The following COL4A2 variants were observed in gnomAD, a reference collection of about 807,000 sequenced individuals.
COL4A2 encodes the protein collagen type IV alpha 2 chain.
In COL4A2, 99 loss-of-function variants were observed where a neutral mutation model predicts 200.2. That is an observed-to-expected ratio of 0.49 (90% CI 0.42 to 0.58). COL4A2 has a LOEUF of 0.58. COL4A2 is among the 20% of genes least tolerant of loss of function. The pLI, the probability that COL4A2 is intolerant of heterozygous loss-of-function variation, is 0.00. For missense variants in COL4A2, 1,950 were observed against 2,314.1 expected, an observed-to-expected ratio of 0.84 and a Z score of 3.23; for synonymous variants, 897 against 900.6, an observed-to-expected ratio of 1.00 and a Z score of 0.07.
At chr13:110,379,148 T>G (rs1186867585) in intron 4 of COL4A2, among the ~76,000 whole-genome samples, 1 of 152,212 alleles carries the variant, frequency 6.6e-6, no homozygotes, top group African/African-American at 2.4e-5. Context: ...AGACAAAATC[T>G]GAAGGCACTT....
chr13:110,416,003 C>T (rs1315111729), intron 4 of COL4A2, among the ~76,000 whole-genome samples: 1 of 152,242 alleles, frequency 6.6e-6, no homozygotes, highest in East Asian at 1.9e-4. Flanking sequence ...TAGTAACCTG[C>T]GCCTGTGAGT....
chr13:110,374,054 C>T (rs1878131077), intron 4 of COL4A2, among the ~76,000 whole-genome samples: 1 of 152,140 alleles, frequency 6.6e-6, no homozygotes, highest in Non-Finnish European at 1.5e-5. Context: ...TCATCATAAT[C>T]GTGTCACGTC....
At chr13:110,458,653 G>A in intron 21 of COL4A2, 118 bp from the exon 22 acceptor site, 1 of 1,222,836 alleles carries the variant, frequency 8.2e-7, no homozygotes, top group Non-Finnish European at 1.2e-6. Flanking sequence ...CATCAGAACA[G>A]GCAGTGTCCA....
At chr13:110,358,863 A>C (rs1877396877) in intron 4 of COL4A2, among the ~76,000 whole-genome samples, 1 of 152,240 alleles carries the variant, frequency 6.6e-6, no homozygotes, top group Admixed American at 6.5e-5. Context: ...CCACTTTCCT[A>C]CAAAATTGAG....
chr13:110,495,802 G>A (rs571584194), intron 40 of COL4A2, among the ~76,000 whole-genome samples: 38 of 152,312 alleles, frequency 2.5e-4, no homozygotes, highest in Middle Eastern at 3.4e-3. Context: ...GTGAATGTGC[G>A]AATAAATGCA....
intron 4 of COL4A2, among the ~76,000 whole-genome samples, chr13:110,408,802 CACATATATAT>C (rs1484666919): frequency 5.4e-5 from 2 of 37,006 alleles, no homozygotes; most frequent in Admixed American, 2.8e-4. Context: ...CACACACGCA[CACATATATAT>C]ACACACACAC....
Position 110,307,667 on chromosome 13 carries a change from G to A in COL4A2, c.-45+139G>A. The A allele has an allele frequency of 1.7e-6, 1 of 576,602 alleles. No homozygotes were observed. Among genetic ancestry groups the A allele is most frequent in the South Asian group, 2.3e-5 (1 of 42,620 alleles). 35.7% of individuals were successfully genotyped at this position (576,602 alleles called of 1,614,324 possible). A position where few individuals can be genotyped will look rare whatever the true frequency, so the allele number is the denominator to read the frequency against. On this transcript the variant is annotated intron_variant, in intron 1 of 47. Coordinates refer to ENST00000360467, the MANE Select transcript of COL4A2 (RefSeq NM_001846.4). The surrounding 1 kb of genome is among the most constrained non-coding windows in gnomAD (Gnocchi z 5.0). The stretch of plus-strand genomic sequence containing the variant: ...TGGGAGAGCGAAGACCGAGCTCCTC[G>A]GCCAAGGAGCACCCACAGGGGCCTA...
intron 3 of COL4A2, among the ~76,000 whole-genome samples, chr13:110,343,133 CTG>C (rs1183093024): frequency 6.6e-6 from 1 of 152,152 alleles, no homozygotes; most frequent in East Asian, 1.9e-4. Flanking sequence ...ACTGCAGTGA[CTG>C]TGTGTGTGGT....
At chr13:110,462,433 C>G in intron 24 of COL4A2, 49 bp downstream of exon 24, 1 of 1,589,914 alleles carries the variant, frequency 6.3e-7, no homozygotes, top group Non-Finnish European at 8.6e-7. Flanking sequence ...CTTCATCCTT[C>G]AGGTTCTCCA....
intron 4 of COL4A2, among the ~76,000 whole-genome samples, chr13:110,379,299 C>T (rs908742301): frequency 1.3e-5 from 2 of 152,148 alleles, no homozygotes; most frequent in African/African-American, 4.8e-5. Context: ...GGTGGGAGAC[C>T]CTGGGCTAGA....
chr13:110,363,199 G>A (rs771737061), intron 4 of COL4A2, among the ~76,000 whole-genome samples: 3 of 152,200 alleles, frequency 2.0e-5, no homozygotes, highest in Non-Finnish European at 4.4e-5. Context: ...GCATCCAGGC[G>A]GTACCCACAG....
rs1207098850 is a variant in COL4A2, at chr13:110,472,934, A to G, written c.2209A>G (p.Ile737Val). 8 of 1,555,302 alleles carry G rather than the reference A, an allele frequency of 5.1e-6. No individual in the cohort carries two copies. The highest frequency in any genetic ancestry group is 7.0e-6 in the Non-Finnish European group (8 of 1,149,092). ...CCACCCATGTTTCCTTTTAGGGTTC[A>G]TAGGACCCCGAGGATCCAAAGGTGC... ...REGFPGPPGFIGPRGSKGAVG... is the reference protein window; with the variant it reads ...REGFPGPPGFVGPRGSKGAVG... The change falls in exon 29 of 48, where the codon ATA (isoleucine) becomes GTA (valine). Residue 737 changes from isoleucine (I) to valine (V), a missense_variant. Physicochemically the swap from Ile to Val is conservative, Grantham distance 29. This residue lies in a region of COL4A2 where 1,385 missense variants were observed against 1,720.5 expected (regional missense o/e 0.80). Coordinates refer to ENST00000360467, the MANE Select transcript of COL4A2 (RefSeq NM_001846.4).
intron 40 of COL4A2, among the ~76,000 whole-genome samples, chr13:110,500,711 C>G (rs528898689): frequency 2.3e-4 from 35 of 152,314 alleles, no homozygotes; most frequent in African/African-American, 8.4e-4. Flanking sequence ...AGCCTCTGCT[C>G]ACAAGATGTT....
rs151273825 is a variant in COL4A2 at position 110,331,062 on chromosome 13, C to CTT, written c.99+22947_99+22948dup. On this transcript the variant is annotated intron_variant, in intron 3 of 47. Coordinates refer to ENST00000360467, the MANE Select transcript of COL4A2 (RefSeq NM_001846.4). ...GTAATATTTTTTTCTTTCCATGCAG[C>CTT]TTTTTTTTTAAAGGAAATTTACTGA... Among the ~76,000 whole-genome samples, 138 of 151,120 alleles carry CTT rather than the reference C, an allele frequency of 9.1e-4. 1 individual carries two copies. The highest frequency in any genetic ancestry group is 9.0e-3 in the East Asian group (46 of 5,120).
intron 4 of COL4A2, among the ~76,000 whole-genome samples, chr13:110,385,121 G>T (rs1300370122): frequency 6.6e-6 from 1 of 152,178 alleles, no homozygotes; most frequent in Non-Finnish European, 1.5e-5. Context: ...AATTAGCCAG[G>T]CGCAGTGGCG....
chr13:110,365,707 T>C (rs997195069), intron 4 of COL4A2, among the ~76,000 whole-genome samples: 1 of 152,232 alleles, frequency 6.6e-6, no homozygotes, highest in Non-Finnish European at 1.5e-5. Flanking sequence ...CAGCCCCTGC[T>C]GCTGGGGCAT....
chr13:110,316,690 A>C (rs1885137031), intron 3 of COL4A2, among the ~76,000 whole-genome samples: 2 of 152,302 alleles, frequency 1.3e-5, no homozygotes, highest in African/African-American at 4.8e-5. Flanking sequence ...AACTGCTCTA[A>C]GCCACGGATG....
At chr13:110,365,163 C>T (rs904212848) in intron 4 of COL4A2, among the ~76,000 whole-genome samples, 9 of 151,282 alleles carry the variant, frequency 5.9e-5, no homozygotes, top group Admixed American at 1.3e-4. Context: ...TTTTTCGAGG[C>T]GGAGTTTCGC....
chr13:110,367,378 A>G (rs898761554), intron 4 of COL4A2, among the ~76,000 whole-genome samples: 3 of 152,340 alleles, frequency 2.0e-5, no homozygotes, highest in Admixed American at 6.5e-5. Flanking sequence ...GTGAGGCATT[A>G]TTACAGTTCT....
Sources: allele counts gnomAD v4.1 joint callset (sites outside exome capture counted in the v4.1 genomes callset), GRCh38; gene constraint gnomAD v4.1.1; regional missense constraint gnomAD v4.1.1; non-coding constraint Gnocchi (gnomAD v3.1); transcripts MANE v1.5; gene names NCBI Gene and HGNC (gene_info 2026-07-23, HGNC 2026-07-21).